Variants in RANBP2 observed in about 807,000 individuals in gnomAD.
The protein encoded by RANBP2 is RAN binding protein 2.
In RANBP2, 57 loss-of-function variants were observed where a neutral mutation model predicts 303.6. That is an observed-to-expected ratio of 0.19 (90% CI 0.15 to 0.23). The LOEUF (loss-of-function observed/expected upper bound fraction) is 0.23. Ranked by LOEUF, RANBP2 falls within the 10% of genes least tolerant of loss-of-function variation. The pLI is 1.00. For synonymous variants in RANBP2, 1,167 were observed against 1,301.5 expected (o/e 0.90, Z 2.23); for missense variants, 3,138 against 3,780.8 (o/e 0.83, Z 4.46).
chr2:109,441,064 A>G, the RANBP2 span, among the ~76,000 whole-genome samples: 4 of 151,604 alleles, frequency 2.6e-5, no homozygotes, highest in African/African-American at 4.9e-5. Context: ...ACAACACTCA[A>G]GAGTCAAACT....
chr2:109,438,945 A>G, the RANBP2 span, among the ~76,000 whole-genome samples: 2 of 152,174 alleles, frequency 1.3e-5, no homozygotes, highest in African/African-American at 2.4e-5. Context: ...CACATGCACC[A>G]GCACTAGAAA....
intron 2 of RANBP2, among the ~76,000 whole-genome samples, chr2:108,730,420 G>A (rs1695073476): frequency 6.6e-6 from 1 of 152,024 alleles, no homozygotes; most frequent in South Asian, 2.1e-4. Context: ...CTTTAAAAAT[G>A]TTTACTATAA....
the RANBP2 span, among the ~76,000 whole-genome samples, chr2:109,410,045 C>G: frequency 6.6e-6 from 1 of 152,174 alleles, no homozygotes; most frequent in Non-Finnish European, 1.5e-5. Context: ...CTCTTTTTTC[C>G]CTTTTAGTAA....
At chr2:109,683,636 A>G in the RANBP2 span, among the ~76,000 whole-genome samples, 1 of 151,866 alleles carries the variant, frequency 6.6e-6, no homozygotes, top group Middle Eastern at 3.4e-3. Context: ...GTACTGCTCC[A>G]CCGAGCGCTG....
the RANBP2 span, among the ~76,000 whole-genome samples, chr2:109,598,109 C>T: frequency 6.6e-6 from 1 of 152,110 alleles, no homozygotes; most frequent in Non-Finnish European, 1.5e-5. Context: ...GTTGCCCAGG[C>T]TGGAGTGCAA....
chr2:109,495,372 C>T, the RANBP2 span, among the ~76,000 whole-genome samples: 2 of 152,032 alleles, frequency 1.3e-5, 1 homozygote, highest in Admixed American at 1.3e-4. Context: ...TGCCTGCCTC[C>T]TGGCTCTTCT....
the RANBP2 span, among the ~76,000 whole-genome samples, chr2:109,010,917 G>C: frequency 3.3e-5 from 5 of 152,176 alleles, no homozygotes; most frequent in Non-Finnish European, 5.9e-5. Flanking sequence ...GGTTGCTGAC[G>C]ATGTGTGTGA....
the RANBP2 span, among the ~76,000 whole-genome samples, chr2:109,019,012 A>T: frequency 6.6e-6 from 1 of 152,218 alleles, no homozygotes; most frequent in African/African-American, 2.4e-5. Context: ...AGGACGTGTG[A>T]TTGTAGTCAC....
At chr2:109,142,654 G>C in the RANBP2 span, among the ~76,000 whole-genome samples, 1 of 152,178 alleles carries the variant, frequency 6.6e-6, no homozygotes, top group Non-Finnish European at 1.5e-5. Flanking sequence ...GCATCTTGGA[G>C]CCCTCCATCC....
chr2:109,334,098 C>G, the RANBP2 span, among the ~76,000 whole-genome samples: 3 of 152,156 alleles, frequency 2.0e-5, no homozygotes, highest in African/African-American at 7.2e-5. Flanking sequence ...GAGGCTCACG[C>G]CTATAATCCC....
the RANBP2 span, among the ~76,000 whole-genome samples, chr2:108,798,071 A>G: frequency 2.0e-5 from 3 of 151,936 alleles, no homozygotes; most frequent in Non-Finnish European, 2.9e-5. Context: ...GTGATAGACA[A>G]CAAGATGAGG....
chr2:109,198,620 C>T, the RANBP2 span, among the ~76,000 whole-genome samples: 1 of 152,240 alleles, frequency 6.6e-6, no homozygotes, highest in Non-Finnish European at 1.5e-5. Flanking sequence ...CCAGTGAGGG[C>T]TGTCTCCCTG....
the RANBP2 span, among the ~76,000 whole-genome samples, chr2:109,526,753 G>T: frequency 6.6e-6 from 1 of 152,062 alleles, no homozygotes; most frequent in African/African-American, 2.4e-5. Context: ...CCGGCTCTTG[G>T]GTCCCCAGAT....
At chr2:108,953,614 C>G in the RANBP2 span, among the ~76,000 whole-genome samples, 1 of 151,992 alleles carries the variant, frequency 6.6e-6, no homozygotes, top group African/African-American at 2.4e-5. Flanking sequence ...TTTTGGTAGA[C>G]CAGGACACAA....
the RANBP2 span, among the ~76,000 whole-genome samples, chr2:109,296,547 A>T: frequency 6.6e-6 from 1 of 152,116 alleles, no homozygotes; most frequent in Non-Finnish European, 1.5e-5. Flanking sequence ...CAGCCTTCAG[A>T]ATGACCTTTT....
At chr2:109,763,331 A>G in the RANBP2 span, among the ~76,000 whole-genome samples, 1 of 150,606 alleles carries the variant, frequency 6.6e-6, no homozygotes, top group East Asian at 2.0e-4. Context: ...TTTTACAGAT[A>G]GGAAAATTGA....
chr2:108,813,045 C>G, the RANBP2 span: 1 of 719,866 alleles, frequency 1.4e-6, no homozygotes. Flanking sequence ...GTCAGGAGAT[C>G]GAGACCATCC....
the RANBP2 span, chr2:109,419,668 G>T: frequency 6.5e-7 from 1 of 1,549,744 alleles, no homozygotes. Flanking sequence ...TGTCTGTCGG[G>T]GTCCTGTGCC....
At chr2:109,369,254 A>G in the RANBP2 span, among the ~76,000 whole-genome samples, 43 of 151,860 alleles carry the variant, frequency 2.8e-4, no homozygotes, top group East Asian at 7.2e-3. Flanking sequence ...AGGCTGAGGC[A>G]GGGGGAATCA....
Sources: gnomAD v4.1 joint callset for allele counts (sites outside exome capture counted in the v4.1 genomes callset) on GRCh38, gnomAD v4.1.1 for gene constraint, MANE v1.5 for transcripts, NCBI Gene and HGNC (gene_info 2026-07-23, HGNC 2026-07-21) for gene names.